Variants in PLCZ1 observed in about 807,000 individuals in gnomAD.
PLCZ1 encodes phospholipase C zeta 1.
PLCZ1 carries 64 observed loss-of-function variants against 76.8 expected under a neutral mutation model. That is an observed-to-expected ratio of 0.83 (90% CI 0.68 to 1.03). The LOEUF (loss-of-function observed/expected upper bound fraction) is 1.03, where lower values mean the gene tolerates loss of function less well. PLCZ1 is among the 50% of genes least tolerant of loss of function. The probability of loss-of-function intolerance (pLI) is 0.00; values close to 1 mark genes in which losing one functional copy is unlikely to be tolerated. For synonymous variants in PLCZ1, 248 were observed against 230.8 expected (o/e 1.07, Z -0.68); for missense variants, 751 against 713.7 (o/e 1.05, Z -0.60).
At chr12:18,696,956 A>G (rs1233415925) in intron 10 of PLCZ1, among the ~76,000 whole-genome samples, 3 of 152,262 alleles carry the variant, frequency 2.0e-5, no homozygotes, top group South Asian at 4.1e-4. Context: ...ACATACACAC[A>G]CAGTCTATTT....
At chr12:18,698,818 A>G (rs966414426) in intron 10 of PLCZ1, among the ~76,000 whole-genome samples, 1 of 152,190 alleles carries the variant, frequency 6.6e-6, no homozygotes, top group Non-Finnish European at 1.5e-5. Context: ...TAAATGTACA[A>G]TAAACTATTG....
the PLCZ1 span, among the ~76,000 whole-genome samples, chr12:18,653,488 T>A: frequency 6.6e-6 from 1 of 152,188 alleles, no homozygotes; most frequent in East Asian, 1.9e-4. Context: ...CAAAATGTGT[T>A]ACAAGCTCTA....
intron 10 of PLCZ1, 66 bp from the exon 11 acceptor site, chr12:18,696,332 A>C: frequency 5.6e-6 from 1 of 177,918 alleles, no homozygotes. Flanking sequence ...CTATATATAT[A>C]TATATATATA....
downstream of PLCZ1, among the ~76,000 whole-genome samples, chr12:18,681,051 A>G (rs1952358517): frequency 6.6e-6 from 1 of 151,980 alleles, no homozygotes; most frequent in African/African-American, 2.4e-5. Flanking sequence ...TGATTCCGGA[A>G]TGTTCTTGTC....
At chr12:18,648,043 A>G in the PLCZ1 span, 4 of 1,521,040 alleles carry the variant, frequency 2.6e-6, no homozygotes, top group East Asian at 2.4e-5. Context: ...TGCTATGAAC[A>G]TATGCATTAT....
chr12:18,672,430 T>C, the PLCZ1 span, among the ~76,000 whole-genome samples: 4 of 152,126 alleles, frequency 2.6e-5, no homozygotes, highest in South Asian at 2.1e-4. Flanking sequence ...AGTTTCAAGA[T>C]AGAATCTGGA....
intron 3 of PLCZ1, chr12:18,735,927 C>A (rs964812050): frequency 4.2e-6 from 1 of 240,026 alleles, no homozygotes; most frequent in Admixed American, 5.2e-5. Flanking sequence ...AAATCACTAA[C>A]ATCTAATACA....
chr12:18,719,352 C>T (rs1273675570), intron 5 of PLCZ1, 79 bp downstream of exon 5: 2 of 793,058 alleles, frequency 2.5e-6, no homozygotes, highest in Admixed American at 3.7e-5. Flanking sequence ...TTATTGTGCA[C>T]TCTTGCCTAC....
At chr12:18,662,812 T>C in the PLCZ1 span, among the ~76,000 whole-genome samples, 2 of 152,022 alleles carry the variant, frequency 1.3e-5, no homozygotes, top group Non-Finnish European at 2.9e-5. Context: ...ATGTTAAATG[T>C]AATCCCCATG....
intron 5 of PLCZ1, 37 bp downstream of exon 5, chr12:18,719,394 T>C (rs1211251815): frequency 1.6e-6 from 2 of 1,251,708 alleles, no homozygotes; most frequent in East Asian, 5.6e-5. Context: ...CTTCCAAGTA[T>C]TTTTAAATGT....
At chr12:18,652,147 G>C in the PLCZ1 span, among the ~76,000 whole-genome samples, 1 of 152,066 alleles carries the variant, frequency 6.6e-6, no homozygotes, top group African/African-American at 2.4e-5. Context: ...AGGTACCTCA[G>C]AATGTGAACT....
intron 11 of PLCZ1, among the ~76,000 whole-genome samples, chr12:18,695,632 C>A (rs553229956): frequency 7.6e-4 from 116 of 152,128 alleles, no homozygotes; most frequent in African/African-American, 2.3e-3. Flanking sequence ...GGCCTTGCCA[C>A]AATCCAGTAG....
At chr12:18,665,436 T>C in the PLCZ1 span, among the ~76,000 whole-genome samples, 1 of 152,208 alleles carries the variant, frequency 6.6e-6, no homozygotes, top group African/African-American at 2.4e-5. Context: ...CAGTCATTGG[T>C]AATGTATTTT....
At chr12:18,650,347 ATGTG>A in the PLCZ1 span, among the ~76,000 whole-genome samples, 4,956 of 114,314 alleles carry the variant, frequency 0.043, 161 homozygotes, top group African/African-American at 0.077. Flanking sequence ...ATATATATAT[ATGTG>A]TGTGTGTGTG....
the PLCZ1 span, among the ~76,000 whole-genome samples, chr12:18,664,884 A>G: frequency 6.6e-6 from 1 of 151,446 alleles, no homozygotes; most frequent in Non-Finnish European, 1.5e-5. Context: ...GGAAATCATC[A>G]TTCTCAGTAA....
In PLCZ1 at chr12:18,736,219, A is replaced by G; in HGVS notation, c.135+2T>C. ...ATAGGCAGGGGGTGGATGTCATCTTACCTTAAAAATCTGTTTCACATGAAT... is the reference window on the plus strand; with the variant it reads ...ATAGGCAGGGGGTGGATGTCATCTTGCCTTAAAAATCTGTTTCACATGAAT... On this transcript the variant is annotated splice_donor_variant, in intron 3 of 14. Transcript: ENST00000266505. LOFTEE classifies it high-confidence loss of function. The G allele has an allele frequency of 6.2e-7, 1 of 1,611,916 alleles. No individual in the cohort carries two copies. The highest frequency in any genetic ancestry group is 8.5e-7 in the Non-Finnish European group (1 of 1,178,602).
chr12:18,669,315 T>A, the PLCZ1 span, among the ~76,000 whole-genome samples: 1 of 152,138 alleles, frequency 6.6e-6, no homozygotes, highest in Non-Finnish European at 1.5e-5. Flanking sequence ...ATATGTGTGG[T>A]CTCTTGTATT....
At chr12:18,657,114 C>A in the PLCZ1 span, among the ~76,000 whole-genome samples, 41,516 of 152,054 alleles carry the variant, frequency 0.27, 7,019 homozygotes, top group South Asian at 0.49. Flanking sequence ...GAACTCAAAT[C>A]TCTACCAGTG....
intron 10 of PLCZ1, among the ~76,000 whole-genome samples, chr12:18,698,335 C>A (rs888298235): frequency 1.8e-4 from 28 of 151,814 alleles, no homozygotes; most frequent in African/African-American, 6.5e-4. Context: ...CTATACTACT[C>A]TATTCTATTC....
Sources: gnomAD v4.1 joint callset for allele counts (sites outside exome capture counted in the v4.1 genomes callset) on GRCh38, gnomAD v4.1.1 for gene constraint, MANE v1.5 for transcripts, NCBI Gene and HGNC (gene_info 2026-07-23, HGNC 2026-07-21) for gene names.